LASP1: variants seen among roughly 807,000 people sequenced by gnomAD.
The protein encoded by LASP1 is LIM and SH3 protein 1, also known as LIM and SH3 domain protein 1.
Under a neutral mutation model 38.6 loss-of-function variants are expected in LASP1, and 10 were observed. The ratio of observed to expected loss-of-function variants is 0.26; its 90% confidence interval spans 0.16 to 0.44. The LOEUF (loss-of-function observed/expected upper bound fraction) is 0.44. Among genes scored for constraint, LASP1 ranks in the 20% least tolerant of loss-of-function variants. The pLI, the probability that LASP1 is intolerant of heterozygous loss-of-function variation, is 1.00. For missense variants in LASP1, 243 were observed against 375.7 expected (o/e 0.65, Z 2.92); for synonymous variants, 132 against 140.8 (o/e 0.94, Z 0.44).
intron 1 of LASP1, among the ~76,000 whole-genome samples, chr17:38,875,189 G>A (rs572011788): frequency 6.6e-6 from 1 of 152,210 alleles, no homozygotes; most frequent in African/African-American, 2.4e-5. Context: ...CTAGGCAGGG[G>A]CCTGTGCAGC....
intron 4 of LASP1, chr17:38,898,807 A>G (rs1914561791): frequency 2.0e-6 from 1 of 506,606 alleles, no homozygotes; most frequent in African/African-American, 1.9e-5. Context: ...TTTTTTCTGG[A>G]TATCGTGGGT....
chr17:38,871,972 A>G (rs1011718072), intron 1 of LASP1, among the ~76,000 whole-genome samples: 1 of 152,118 alleles, frequency 6.6e-6, no homozygotes, highest in Non-Finnish European at 1.5e-5. Context: ...TGGCCTCTGC[A>G]TCTTGAGTTC....
At chr17:38,913,232 GCC>G (rs1915006927) in intron 4 of LASP1, among the ~76,000 whole-genome samples, 1 of 152,206 alleles carries the variant, frequency 6.6e-6, no homozygotes, top group African/African-American at 2.4e-5. Context: ...AAGGCTTGGA[GCC>G]TCACATGCCC....
intron 4 of LASP1, among the ~76,000 whole-genome samples, chr17:38,900,197 C>CAAAAAAAAAAA (rs56008544): frequency 7.4e-5 from 5 of 67,584 alleles, no homozygotes; most frequent in Non-Finnish European, 1.0e-4. Context: ...ACTGTTTCTA[C>CAAAAAAAAAAA]AAAAAAAAAA....
intron 1 of LASP1, among the ~76,000 whole-genome samples, chr17:38,872,481 A>T (rs907610800): frequency 6.6e-6 from 1 of 152,146 alleles, no homozygotes; most frequent in Non-Finnish European, 1.5e-5. Context: ...GTGGCCCTGG[A>T]GAGACCTCGC....
chr17:38,891,791 G>T (rs1567698777), intron 3 of LASP1, among the ~76,000 whole-genome samples: 1 of 152,228 alleles, frequency 6.6e-6, no homozygotes, highest in Non-Finnish European at 1.5e-5. Context: ...TCCTTATGCT[G>T]TTGAGAAGTT....
chr17:38,920,456 T>G lies in LASP1; in HGVS notation c.*1678T>G, dbSNP rs150607379. The G allele has an allele frequency of 2.1e-3, 561 of 268,616 alleles. 4 individuals are homozygous for G. The highest frequency in any genetic ancestry group is 0.011 in the African/African-American group (528 of 47,500). The allele number at this position is 268,616 out of a possible 1,614,324, so 16.6% of individuals were successfully genotyped here. A position where few individuals can be genotyped will look rare whatever the true frequency, so the allele number is the denominator to read the frequency against. On this transcript the variant is annotated 3_prime_UTR_variant, in exon 7 of 7. Coordinates refer to ENST00000318008, the MANE Select transcript of LASP1 (RefSeq NM_006148.4). ...GTGGCTGTGACAACCCTGGCCTCAC[T>G]TGATTCATCTCTGGTTTTCTTGCCA...
chr17:38,887,545 G>A (rs1338540946), intron 2 of LASP1, among the ~76,000 whole-genome samples: 11 of 152,296 alleles, frequency 7.2e-5, no homozygotes, highest in Admixed American at 5.2e-4. Flanking sequence ...TGCCAGCTGC[G>A]GACACCTGTG....
rs765675174 is a variant in LASP1, at chr17:38,914,488, C to T, written c.508+13C>T. 1 of 1,583,096 alleles carries T rather than the reference C, an allele frequency of 6.3e-7. No homozygotes were observed. The highest frequency in any genetic ancestry group is 8.6e-7 in the Non-Finnish European group (1 of 1,164,844). On this transcript the variant is annotated intron_variant, in intron 5 of 6. Transcript: ENST00000318008. ...ACCAGTGCCCCGGGTGAGTGCAGGTCCTGTTGGTGCAGATGACCTGAGGCG... is the reference window on the plus strand; with the variant it reads ...ACCAGTGCCCCGGGTGAGTGCAGGTTCTGTTGGTGCAGATGACCTGAGGCG...
rs1392506131 is a variant in LASP1 at position 38,921,257 on chromosome 17, C to T, written c.*2479C>T. 8.7e-6 allele frequency: 2 copies of T among 229,646 alleles called. No homozygotes were observed. Among genetic ancestry groups the T allele is most frequent in the Non-Finnish European group, 1.7e-5 (2 of 115,646 alleles). 14.2% of individuals were successfully genotyped at this position (229,646 alleles called of 1,614,324 possible). On this transcript the variant is annotated 3_prime_UTR_variant, in exon 7 of 7. Transcript: ENST00000318008. ...AGAGGTCTTTCAGCTCATTTAATCC[C>T]AGGAAAGAGGCATCAAAGCTAGAAT...
intron 1 of LASP1, among the ~76,000 whole-genome samples, chr17:38,873,245 G>C (rs1213507887): frequency 1.3e-5 from 2 of 152,104 alleles, no homozygotes; most frequent in Non-Finnish European, 2.9e-5. Flanking sequence ...ACTCGAGGGG[G>C]TTGAAGTCCT....
chr17:38,875,089 G>GT (rs1555553217), intron 1 of LASP1, among the ~76,000 whole-genome samples: 4,565 of 111,508 alleles, frequency 0.041, 322 homozygotes, highest in South Asian at 0.23. Context: ...GTGTGTGTGT[G>GT]AGAAAGTGGG....
chr17:38,902,372 CTTT>C (rs34801327), intron 4 of LASP1, among the ~76,000 whole-genome samples: 16,263 of 84,082 alleles, frequency 0.19, 1,339 homozygotes, highest in Non-Finnish European at 0.24. Context: ...CCCAGGGGAG[CTTT>C]TTTTTTTTTT....
In LASP1 at chr17:38,892,590, A is replaced by ACACC. The variant is rs926698909; in HGVS notation, c.249+2087_249+2088insACCC. ...CACACACACACACACACACACACAC[A>ACACC]CCCTTCTCAGGGGAGAAATTCAAAC... is the stretch of plus-strand genomic sequence containing the variant. On this transcript the variant is annotated intron_variant, in intron 3 of 6. Transcript: ENST00000318008. 2.1e-4 allele frequency among the ~76,000 whole-genome samples: 30 copies of ACACC among 140,462 alleles called. No homozygotes were observed. In the South Asian group the frequency reaches 3.7e-3, roughly 17 times the overall value. The allele number at this position is 140,462 out of a possible 152,430, so 92.1% of individuals were successfully genotyped here.
chr17:38,887,820 G>T (rs1038694507), intron 2 of LASP1, among the ~76,000 whole-genome samples: 5 of 152,204 alleles, frequency 3.3e-5, no homozygotes, highest in African/African-American at 9.7e-5. Flanking sequence ...TTCACAAGTG[G>T]TGGCCTCAGG....
chr17:38,913,937 G>A (rs1915032093), intron 4 of LASP1, among the ~76,000 whole-genome samples: 1 of 151,940 alleles, frequency 6.6e-6, no homozygotes, highest in Admixed American at 6.6e-5. Context: ...TGGAGGTGGA[G>A]GTTGCGGTGA....
At chr17:38,901,386 G>C (rs1273003306) in intron 4 of LASP1, among the ~76,000 whole-genome samples, 1 of 152,234 alleles carries the variant, frequency 6.6e-6, no homozygotes, top group Non-Finnish European at 1.5e-5. Flanking sequence ...CAGGAGCTGG[G>C]GGAAGGGATC....
In LASP1 at chr17:38,885,695, G is replaced by T. The variant is rs147712280; in HGVS notation, c.165-4725G>T. Among the ~76,000 whole-genome samples the T allele has an allele frequency of 8.5e-4, 129 of 152,328 alleles. 2 individuals carry two copies. The East Asian group carries it at 0.012, about 14-fold the overall frequency. ...CAGTCTGTCATGGGGTTGGGTTCCA[G>T]CGGAGTCACCAGCTGGGACGGGTGG... On this transcript the variant is annotated intron_variant, in intron 2 of 6. Transcript: ENST00000318008.
Position 38,870,115 on chromosome 17 carries a change from G to T in LASP1, c.-75G>T, listed in dbSNP as rs886697162. The T allele has an allele frequency of 1.9e-6, 3 of 1,557,252 alleles. No individual in the cohort carries two copies. Among genetic ancestry groups the T allele is most frequent in the Non-Finnish European group, 2.6e-6 (3 of 1,138,604 alleles). On this transcript the variant is annotated 5_prime_UTR_variant, in exon 1 of 7. Coordinates refer to ENST00000318008, the MANE Select transcript of LASP1 (RefSeq NM_006148.4). ...TGCCTGTGTAGTTGCAGCCGCGGCCGCCTCCCGCCAGCTCGCCTCGGGGAA... is the reference window on the plus strand; with the variant it reads ...TGCCTGTGTAGTTGCAGCCGCGGCCTCCTCCCGCCAGCTCGCCTCGGGGAA...
Sources: gnomAD v4.1 joint callset for allele counts (sites outside exome capture counted in the v4.1 genomes callset) on GRCh38, gnomAD v4.1.1 for gene constraint, MANE v1.5 for transcripts, NCBI Gene and HGNC (gene_info 2026-07-23, HGNC 2026-07-21) for gene names.